The following PRUNE2 variants were observed in gnomAD, a reference collection of about 807,000 sequenced individuals.
PRUNE2 encodes prune homolog 2 with BCH domain, also known as protein prune homolog 2.
A neutral mutation model predicts 252.0 loss-of-function variants in PRUNE2; 164 were observed. That is an observed-to-expected ratio of 0.65 (90% CI 0.57 to 0.74). The LOEUF (loss-of-function observed/expected upper bound fraction) is 0.74. Ranked by LOEUF, PRUNE2 falls within the 30% of genes least tolerant of loss-of-function variation. The pLI is 0.00. For synonymous variants in PRUNE2, 1,292 were observed against 1,350.2 expected (o/e 0.96, Z 0.94); for missense variants, 3,495 against 3,711.0 (o/e 0.94, Z 1.51).
chr9:76,623,122 A>G (rs1004087790), intron 17 of PRUNE2, among the ~76,000 whole-genome samples: 3 of 152,208 alleles, frequency 2.0e-5, no homozygotes, highest in African/African-American at 2.4e-5. Context: ...TGCTTTTGCA[A>G]TGTCTATTAA....
chr9:76,670,668 G>C (rs1359702513), intron 9 of PRUNE2, among the ~76,000 whole-genome samples: 1 of 152,158 alleles, frequency 6.6e-6, no homozygotes, highest in African/African-American at 2.4e-5. Flanking sequence ...CAGCTTTGAA[G>C]AGAGCAGTGG....
At chr9:76,762,389 A>C (rs1439961215) in intron 6 of PRUNE2, among the ~76,000 whole-genome samples, 1 of 152,172 alleles carries the variant, frequency 6.6e-6, no homozygotes, top group Non-Finnish European at 1.5e-5. Context: ...GCGGTTGCAG[A>C]AATGTGCGCA....
At chr9:76,844,813 G>C (rs940331379) in intron 4 of PRUNE2, among the ~76,000 whole-genome samples, 1 of 151,938 alleles carries the variant, frequency 6.6e-6, no homozygotes, top group African/African-American at 2.4e-5. Flanking sequence ...CCCACATTCT[G>C]CCAGCTTCCC....
At chr9:76,666,693 G>A (rs1366542757) in intron 9 of PRUNE2, among the ~76,000 whole-genome samples, 1 of 151,894 alleles carries the variant, frequency 6.6e-6, no homozygotes, top group Non-Finnish European at 1.5e-5. Flanking sequence ...TGCATTCAGG[G>A]CCACTACCAG....
At chr9:76,820,043 T>C (rs1467248686) in intron 6 of PRUNE2, among the ~76,000 whole-genome samples, 2 of 152,154 alleles carry the variant, frequency 1.3e-5, no homozygotes, top group Non-Finnish European at 2.9e-5. Context: ...GGGATTCCAA[T>C]ATGTCATGTG....
chr9:76,837,235 C>T (rs764481078), intron 4 of PRUNE2, among the ~76,000 whole-genome samples: 11 of 151,852 alleles, frequency 7.2e-5, no homozygotes, highest in African/African-American at 1.9e-4. Flanking sequence ...CAAGGTGAAG[C>T]GATTGAGACC....
intron 6 of PRUNE2, among the ~76,000 whole-genome samples, chr9:76,727,709 G>GTTTTT (rs1204168069): frequency 6.9e-5 from 5 of 72,058 alleles, no homozygotes; most frequent in Non-Finnish European, 1.5e-4. Flanking sequence ...GGTAAACAGG[G>GTTTTT]CTTTTTTTTT....
Position 76,709,513 on chromosome 9 carries a change from G to T in PRUNE2, c.2761C>A (p.Leu921Ile). 6.2e-7 allele frequency: 1 copy of T among 1,613,958 alleles called. No individual in the cohort carries two copies. Among genetic ancestry groups the T allele is most frequent in the Non-Finnish European group, 8.5e-7 (1 of 1,179,882 alleles). ...KVYEKVDSWN[L>I]FEENMKKGGS... ...CCTTTCTTCATATTCTCCTCAAAAA[G>T]GTTCCAGGAATCTACCTTTTCATAT... Residue 921 changes from leucine (L) to isoleucine (I), a missense_variant, in exon 8 of 19, where the codon CTT becomes ATT. By Grantham distance (5) the Leu-to-Ile change is conservative. Coordinates refer to ENST00000376718, the MANE Select transcript of PRUNE2 (RefSeq NM_015225.3).
chr9:76,902,091 C>A (rs1929534), intron 1 of PRUNE2, among the ~76,000 whole-genome samples: 7 of 152,064 alleles, frequency 4.6e-5, no homozygotes, highest in South Asian at 4.1e-4. Context: ...TGTGGGGAGC[C>A]TGGCTTCCTG....
intron 18 of PRUNE2, among the ~76,000 whole-genome samples, chr9:76,615,588 ACCTTCT>A (rs1391152406): frequency 2.0e-5 from 3 of 152,096 alleles, no homozygotes; most frequent in Admixed American, 2.0e-4. Flanking sequence ...CAAGTCACCC[ACCTTCT>A]CTAAGTTTCC....
intron 10 of PRUNE2, among the ~76,000 whole-genome samples, chr9:76,654,093 A>G (rs1342180661): frequency 6.6e-6 from 1 of 152,192 alleles, no homozygotes; most frequent in Non-Finnish European, 1.5e-5. Context: ...GTTGGTGTTC[A>G]TTAGAAAATT....
intron 6 of PRUNE2, among the ~76,000 whole-genome samples, chr9:76,805,212 C>A (rs1442911375): frequency 2.0e-5 from 3 of 152,250 alleles, no homozygotes; most frequent in Admixed American, 6.5e-5. Context: ...CCCCCCACCG[C>A]ATGCAAGTGA....
At chr9:76,732,284 G>C (rs919715531) in intron 6 of PRUNE2, among the ~76,000 whole-genome samples, 3 of 152,178 alleles carry the variant, frequency 2.0e-5, no homozygotes, top group Non-Finnish European at 4.4e-5. Flanking sequence ...TCCAGCCTGG[G>C]GGGCAGAGCG....
intron 6 of PRUNE2, among the ~76,000 whole-genome samples, chr9:76,789,703 G>A (rs1003896665): frequency 7.2e-5 from 11 of 152,340 alleles, no homozygotes; most frequent in African/African-American, 2.4e-4. Flanking sequence ...GCTATGGTCA[G>A]TGAGGAGAGT....
intron 3 of PRUNE2, among the ~76,000 whole-genome samples, chr9:76,848,483 T>C (rs2059785529): frequency 6.6e-6 from 1 of 152,178 alleles, no homozygotes; most frequent in Non-Finnish European, 1.5e-5. Context: ...CATAAGTAAA[T>C]GAATTGCATA....
At chr9:76,688,286 A>G (rs2044318026) in intron 9 of PRUNE2, among the ~76,000 whole-genome samples, 1 of 152,216 alleles carries the variant, frequency 6.6e-6, no homozygotes, top group African/African-American at 2.4e-5. Flanking sequence ...CATAGAGACC[A>G]TTGTCCAACA....
chr9:76,683,313 G>T lies in PRUNE2; in HGVS notation c.8276+20024C>A, dbSNP rs892421891. Among the ~76,000 whole-genome samples, 8 of 152,316 alleles carry T rather than the reference G, an allele frequency of 5.3e-5. No individual in the cohort carries two copies. The South Asian group carries it at 1.0e-3, about 20-fold the overall frequency. On this transcript the variant is annotated intron_variant, in intron 9 of 18. Transcript: ENST00000376718. ...TCTGGGGATTGCAGTTGACTGTAAT[G>T]TAAACCTGAGGGCCTATGGAGAGAG...
intron 4 of PRUNE2, among the ~76,000 whole-genome samples, chr9:76,845,755 C>T (rs1434741566): frequency 6.6e-6 from 1 of 152,104 alleles, no homozygotes; most frequent in Admixed American, 6.6e-5. Context: ...CTCTGTCTAC[C>T]GTGTTCAAAA....
At chr9:76,901,338 A>G (rs907975024) in intron 1 of PRUNE2, among the ~76,000 whole-genome samples, 7 of 152,160 alleles carry the variant, frequency 4.6e-5, no homozygotes, top group African/African-American at 1.7e-4. Flanking sequence ...GGCAAGAGGC[A>G]TGGTCTCAAG....
Sources: allele counts gnomAD v4.1 joint callset (sites outside exome capture counted in the v4.1 genomes callset), GRCh38; gene constraint gnomAD v4.1.1; transcripts MANE v1.5; gene names NCBI Gene and HGNC (gene_info 2026-07-23, HGNC 2026-07-21).